KCNH7: variants seen among roughly 807,000 people sequenced by gnomAD.
The protein encoded by KCNH7 is voltage-gated inwardly rectifying potassium channel KCNH7.
In KCNH7, 49 loss-of-function variants were observed where a neutral mutation model predicts 120.8. That is an observed-to-expected ratio of 0.41 (90% CI 0.32 to 0.51). KCNH7 has a LOEUF of 0.51. KCNH7 is among the 20% of genes least tolerant of loss of function. KCNH7 has a pLI of 0.38. For missense variants in KCNH7, 1,097 were observed against 1,446.6 expected, an observed-to-expected ratio of 0.76 and a Z score of 3.92; for synonymous variants, 547 against 516.1, an observed-to-expected ratio of 1.06 and a Z score of -0.81.
chr2:162,387,493 T>G lies in KCNH7; in HGVS notation c.2711-2554A>C, dbSNP rs931531405. ...TAAATAGTATCAGGTACTTTTTTTT[T>G]CTTAATTCTATTTATATTCTATGTA... On this transcript the variant is annotated intron_variant, in intron 12 of 15. Coordinates refer to ENST00000332142, the MANE Select transcript of KCNH7 (RefSeq NM_033272.4). 3.3e-5 allele frequency among the ~76,000 whole-genome samples: 5 copies of G among 151,720 alleles called. No individual in the cohort carries two copies. In the East Asian group the frequency reaches 9.7e-4, roughly 29 times the overall value.
chr2:162,590,926 A>G (rs1454340147), intron 2 of KCNH7, among the ~76,000 whole-genome samples: 2 of 152,260 alleles, frequency 1.3e-5, no homozygotes, highest in East Asian at 1.9e-4. Flanking sequence ...TCTTGTCCAT[A>G]TAAGCACCAT....
intron 2 of KCNH7, among the ~76,000 whole-genome samples, chr2:162,693,068 T>G (rs1322389802): frequency 6.6e-6 from 1 of 151,682 alleles, no homozygotes; most frequent in East Asian, 1.9e-4. Flanking sequence ...TGTTGAGTAG[T>G]CCACATATAT....
At chr2:162,720,015 C>T (rs1194416192) in intron 2 of KCNH7, among the ~76,000 whole-genome samples, 1 of 151,966 alleles carries the variant, frequency 6.6e-6, no homozygotes, top group Non-Finnish European at 1.5e-5. Context: ...AGTATTGAGA[C>T]AATGGTCATA....
intron 2 of KCNH7, among the ~76,000 whole-genome samples, chr2:162,720,623 T>A (rs1370676711): frequency 6.6e-6 from 1 of 152,110 alleles, no homozygotes; most frequent in Non-Finnish European, 1.5e-5. Flanking sequence ...TATAGTCCAT[T>A]AATTCTCACA....
chr2:162,700,463 T>G (rs1686456360), intron 2 of KCNH7, among the ~76,000 whole-genome samples: 1 of 152,176 alleles, frequency 6.6e-6, no homozygotes, highest in Non-Finnish European at 1.5e-5. Context: ...AGATCATGAT[T>G]TGAAATGTAT....
intron 2 of KCNH7, among the ~76,000 whole-genome samples, chr2:162,548,206 C>T (rs1692544582): frequency 6.6e-6 from 1 of 152,114 alleles, no homozygotes; most frequent in Non-Finnish European, 1.5e-5. Flanking sequence ...TCATGTTTAG[C>T]ATTGTCCAGC....
At chr2:162,383,631 A>G (rs896467115) in intron 13 of KCNH7, among the ~76,000 whole-genome samples, 1 of 151,960 alleles carries the variant, frequency 6.6e-6, no homozygotes, top group Non-Finnish European at 1.5e-5. Context: ...TAATTTTGCT[A>G]TCCTACCAGG....
intron 2 of KCNH7, among the ~76,000 whole-genome samples, chr2:162,555,178 T>G (rs1692813412): frequency 6.6e-6 from 1 of 152,168 alleles, no homozygotes; most frequent in Non-Finnish European, 1.5e-5. Context: ...AAGCTTGATA[T>G]TTTTGCAAGG....
chr2:162,470,435 C>T (rs561930521), intron 6 of KCNH7, among the ~76,000 whole-genome samples: 4 of 145,704 alleles, frequency 2.7e-5, no homozygotes, highest in South Asian at 2.1e-4. Flanking sequence ...GCCCGGCAGC[C>T]GCCCCGTCTG....
intron 2 of KCNH7, among the ~76,000 whole-genome samples, chr2:162,664,011 C>G (rs1685055024): frequency 6.6e-6 from 1 of 152,120 alleles, no homozygotes; most frequent in African/African-American, 2.4e-5. Flanking sequence ...CTTTCCAAGA[C>G]CATGCCAATG....
At chr2:162,537,357 A>G (rs750816000) in intron 2 of KCNH7, among the ~76,000 whole-genome samples, 2 of 152,004 alleles carry the variant, frequency 1.3e-5, no homozygotes, top group Non-Finnish European at 2.9e-5. Context: ...CCATCCCTAT[A>G]ATAGTTAATT....
chr2:162,414,490 G>T (rs1687482960), intron 9 of KCNH7, among the ~76,000 whole-genome samples: 1 of 151,456 alleles, frequency 6.6e-6, no homozygotes, highest in Non-Finnish European at 1.5e-5. Context: ...GAATGTACAT[G>T]CCATTAAAAG....
chr2:162,473,201 C>G (rs1574001528), intron 6 of KCNH7, among the ~76,000 whole-genome samples: 2 of 151,038 alleles, frequency 1.3e-5, no homozygotes, highest in East Asian at 3.9e-4. Flanking sequence ...GCACATGTAC[C>G]CTAGAACTTA....
At chr2:162,404,121 G>A (rs1687140072) in intron 9 of KCNH7, among the ~76,000 whole-genome samples, 1 of 151,806 alleles carries the variant, frequency 6.6e-6, no homozygotes, top group South Asian at 2.1e-4. Flanking sequence ...ACCAGTCCTG[G>A]CAGATCTGGC....
chr2:162,408,174 T>A (rs1232455719), intron 9 of KCNH7, among the ~76,000 whole-genome samples: 2 of 152,016 alleles, frequency 1.3e-5, no homozygotes, highest in Non-Finnish European at 2.9e-5. Flanking sequence ...AAAAGAATAG[T>A]TAGACATAAA....
At chr2:162,569,597 T>C (rs1693389957) in intron 2 of KCNH7, among the ~76,000 whole-genome samples, 2 of 145,558 alleles carry the variant, frequency 1.4e-5, no homozygotes, top group Admixed American at 1.4e-4. Flanking sequence ...GCTCTTGCTT[T>C]TCTAGTTCTT....
intron 5 of KCNH7, among the ~76,000 whole-genome samples, chr2:162,505,109 G>C (rs147447897): frequency 6.6e-6 from 1 of 151,986 alleles, no homozygotes; most frequent in Non-Finnish European, 1.5e-5. Context: ...TTACTCCCCT[G>C]TCTGTGTCAC....
At chr2:162,800,396 C>T (rs918502564) in intron 2 of KCNH7, among the ~76,000 whole-genome samples, 6 of 151,560 alleles carry the variant, frequency 4.0e-5, no homozygotes, top group Non-Finnish European at 5.9e-5. Context: ...TCTTGTACAA[C>T]GGCAGTATTT....
chr2:162,803,776 T>A (rs1684430962), intron 2 of KCNH7, among the ~76,000 whole-genome samples: 1 of 151,764 alleles, frequency 6.6e-6, no homozygotes, highest in South Asian at 2.1e-4. Context: ...TATTGAAACT[T>A]GGAGTTTGGC....
Sources: allele counts gnomAD v4.1 joint callset (sites outside exome capture counted in the v4.1 genomes callset), GRCh38; gene constraint gnomAD v4.1.1; transcripts MANE v1.5; gene names NCBI Gene and HGNC (gene_info 2026-07-23, HGNC 2026-07-21).